KIFAP3: variants seen among roughly 807,000 people sequenced by gnomAD.
The protein encoded by KIFAP3 is kinesin-associated protein 3.
In KIFAP3, 68 loss-of-function variants were observed where a neutral mutation model predicts 106.5. The observed-to-expected ratio is 0.64, with a 90% CI of 0.53 to 0.78. The LOEUF (loss-of-function observed/expected upper bound fraction) is 0.78, where lower values mean the gene tolerates loss of function less well. Ranked by LOEUF, KIFAP3 falls within the 30% of genes least tolerant of loss-of-function variation. The pLI is 0.00. For synonymous variants in KIFAP3, 320 were observed against 311.5 expected (o/e 1.03, Z -0.29); for missense variants, 780 against 941.8 (o/e 0.83, Z 2.25).
chr1:169,939,288 C>A (rs1663976152), intron 19 of KIFAP3, among the ~76,000 whole-genome samples: 1 of 151,954 alleles, frequency 6.6e-6, no homozygotes, highest in Non-Finnish European at 1.5e-5. Context: ...ACAGGGCATG[C>A]AGATGGTTTG....
chr1:169,981,987 T>C lies in KIFAP3; in HGVS notation c.1783A>G (p.Ile595Val), dbSNP rs375135065. Residue 595 changes from isoleucine to valine, a missense_variant, in exon 15 of 20, where the codon ATT (isoleucine) becomes GTT (valine). Physicochemically the swap from Ile to Val is conservative, Grantham distance 29. Coordinates refer to ENST00000361580, the MANE Select transcript of KIFAP3 (RefSeq NM_014970.4). ...GGTTATTTACCATTTAGCAATTCAA[T>C]GAGTGCAGGGATTATGCCAGATTTG... ...LAKSGIIPAL[I>V]ELLNAQQEDD... The C allele has an allele frequency of 6.2e-7, 1 of 1,611,714 alleles. No individual in the cohort carries two copies. The highest frequency in any genetic ancestry group is 8.5e-7 in the Non-Finnish European group (1 of 1,178,582).
chr1:170,067,604 T>C (rs1453989926), intron 1 of KIFAP3: 1 of 152,242 alleles, frequency 6.6e-6, no homozygotes, highest in Non-Finnish European at 1.5e-5. Context: ...AAGTGGACCT[T>C]GCTCCCAAGG....
chr1:169,973,435 T>G (rs1666044847), intron 16 of KIFAP3, among the ~76,000 whole-genome samples: 1 of 37,934 alleles, frequency 2.6e-5, no homozygotes, highest in African/African-American at 1.2e-4. Flanking sequence ...TCAAGAAAAC[T>G]TTCCTGAAAT....
intron 10 of KIFAP3, among the ~76,000 whole-genome samples, chr1:169,993,970 T>C (rs1667248466): frequency 6.6e-6 from 1 of 152,232 alleles, no homozygotes; most frequent in South Asian, 2.1e-4. Context: ...TTATCTAACA[T>C]ATAACCTCCA....
intron 18 of KIFAP3, chr1:169,957,877 T>A (rs1558195448): frequency 6.6e-6 from 1 of 152,464 alleles, no homozygotes; most frequent in South Asian, 2.1e-4. Context: ...TCCACTTGCC[T>A]TGGCCACCCA....
At chr1:169,984,508 T>A in intron 12 of KIFAP3, 74 bp downstream of exon 12, 1 of 614,448 alleles carries the variant, frequency 1.6e-6, no homozygotes, top group Non-Finnish European at 2.9e-6. Flanking sequence ...TAATTCTTAA[T>A]TCCTTATATC....
intron 19 of KIFAP3, among the ~76,000 whole-genome samples, chr1:169,939,212 T>G (rs988443118): frequency 1.3e-5 from 2 of 152,138 alleles, no homozygotes; most frequent in Non-Finnish European, 2.9e-5. Flanking sequence ...TGGAATAGGG[T>G]ACTAACAGTG....
intron 8 of KIFAP3, among the ~76,000 whole-genome samples, chr1:170,030,323 G>A (rs559544909): frequency 6.0e-4 from 91 of 151,984 alleles, no homozygotes; most frequent in African/African-American, 2.1e-3. Context: ...ATCAGGAGAT[G>A]CTCAACATTA....
intron 6 of KIFAP3, among the ~76,000 whole-genome samples, chr1:170,034,760 T>A (rs1376636637): frequency 1.3e-5 from 2 of 151,904 alleles, no homozygotes; most frequent in African/African-American, 4.8e-5. Context: ...TATTAACTAC[T>A]CAGATATTCA....
At chr1:169,981,696 T>G (rs1039754071) in intron 15 of KIFAP3, among the ~76,000 whole-genome samples, 1 of 152,184 alleles carries the variant, frequency 6.6e-6, no homozygotes, top group Non-Finnish European at 1.5e-5. Flanking sequence ...ACTACTATAT[T>G]GGTTGTTCAA....
intron 11 of KIFAP3, among the ~76,000 whole-genome samples, chr1:169,987,942 G>A (rs937428580): frequency 6.6e-6 from 1 of 151,836 alleles, no homozygotes; most frequent in African/African-American, 2.4e-5. Flanking sequence ...ATTAACTCCC[G>A]CTTATCCTCA....
chr1:169,956,469 G>A (rs890105459), intron 18 of KIFAP3, among the ~76,000 whole-genome samples: 1 of 151,934 alleles, frequency 6.6e-6, no homozygotes, highest in Non-Finnish European at 1.5e-5. Context: ...GAAAATGGGC[G>A]ATCATCAAAT....
chr1:169,995,579 C>A (rs1428685148), intron 10 of KIFAP3, among the ~76,000 whole-genome samples: 1 of 152,058 alleles, frequency 6.6e-6, no homozygotes, highest in Admixed American at 6.6e-5. Context: ...AAAGAGAAAT[C>A]AATAACCAAT....
chr1:169,976,595 G>A (rs185985065), intron 16 of KIFAP3, among the ~76,000 whole-genome samples: 1 of 152,154 alleles, frequency 6.6e-6, no homozygotes, highest in East Asian at 1.9e-4. Flanking sequence ...ATTACTTTCT[G>A]TACTGTTAGC....
chr1:170,012,722 G>A (rs1668302020), intron 10 of KIFAP3, among the ~76,000 whole-genome samples: 1 of 152,018 alleles, frequency 6.6e-6, no homozygotes, highest in Non-Finnish European at 1.5e-5. Flanking sequence ...TTGGCATGCT[G>A]CTAATACAGA....
intron 11 of KIFAP3, among the ~76,000 whole-genome samples, chr1:169,985,227 G>C (rs148473420): frequency 3.8e-4 from 58 of 151,916 alleles, no homozygotes; most frequent in African/African-American, 1.3e-3. Context: ...AAAGTGTCAG[G>C]ATAAAATTTG....
At chr1:169,953,939 G>A (rs1664872134) in intron 19 of KIFAP3, 72 bp downstream of exon 19, 1 of 948,188 alleles carries the variant, frequency 1.1e-6, no homozygotes, top group Non-Finnish European at 1.7e-6. Flanking sequence ...GAGAAATGGA[G>A]AGTGAAGAGG....
At chr1:169,958,263 T>TC (rs1452343006) in intron 18 of KIFAP3, 1 of 152,444 alleles carries the variant, frequency 6.6e-6, no homozygotes, top group Non-Finnish European at 1.5e-5. Context: ...CTTTTTCTTT[T>TC]CTTTTTTTGG....
chr1:170,062,367 T>C (rs1276818336), intron 1 of KIFAP3, among the ~76,000 whole-genome samples: 1 of 151,576 alleles, frequency 6.6e-6, no homozygotes, highest in East Asian at 1.9e-4. Flanking sequence ...CAAAACTCTT[T>C]TTGTGTTTGG....
Sources: gnomAD v4.1 joint callset for allele counts (sites outside exome capture counted in the v4.1 genomes callset) on GRCh38, gnomAD v4.1.1 for gene constraint, MANE v1.5 for transcripts, NCBI Gene and HGNC (gene_info 2026-07-23, HGNC 2026-07-21) for gene names.